Variants in SMYD3 observed in about 807,000 individuals in gnomAD.
SMYD3 encodes the protein SET and MYND domain containing 3.
Under a neutral mutation model 57.7 loss-of-function variants are expected in SMYD3, and 36 were observed. That is an observed-to-expected ratio of 0.62 (90% CI 0.48 to 0.82). The LOEUF (loss-of-function observed/expected upper bound fraction) is 0.82. Ranked by LOEUF, SMYD3 falls within the 40% of genes least tolerant of loss-of-function variation. SMYD3 has a pLI of 0.00. For missense variants in SMYD3, 515 were observed against 538.8 expected, an observed-to-expected ratio of 0.96 and a Z score of 0.44; for synonymous variants, 211 against 195.0, an observed-to-expected ratio of 1.08 and a Z score of -0.68.
At chr1:246,048,699 T>C (rs1041371516) in intron 5 of SMYD3, among the ~76,000 whole-genome samples, 3 of 152,098 alleles carry the variant, frequency 2.0e-5, no homozygotes, top group Non-Finnish European at 4.4e-5. Flanking sequence ...TCTGGACCCG[T>C]TTCCTCATCA....
chr1:246,247,485 AT>A lies in SMYD3; in HGVS notation c.531+79715del, dbSNP rs138494796. ...TCTCTCTATATATATATATATATAT[AT>A]TTTTTAACATGGGACTCATATATAT... On this transcript the variant is annotated intron_variant, in intron 5 of 11. Transcript: ENST00000490107. 5.1e-5 allele frequency among the ~76,000 whole-genome samples: 7 copies of A among 138,066 alleles called. No homozygotes were observed. The East Asian group carries it at 1.3e-3, about 26-fold the overall frequency. 90.6% of individuals were successfully genotyped at this position (138,066 alleles called of 152,430 possible).
chr1:246,030,276 T>C (rs758587285), intron 5 of SMYD3, among the ~76,000 whole-genome samples: 9 of 152,180 alleles, frequency 5.9e-5, no homozygotes, highest in Non-Finnish European at 1.3e-4. Context: ...GCAACAGGAA[T>C]GAGCCCGAAG....
intron 10 of SMYD3, among the ~76,000 whole-genome samples, chr1:245,837,315 G>A (rs911249323): frequency 1.3e-5 from 2 of 152,034 alleles, no homozygotes; most frequent in Admixed American, 1.3e-4. Flanking sequence ...TGGGAGACGG[G>A]TCCTAGAAAT....
At chr1:246,097,280 G>A (rs2060931531) in intron 5 of SMYD3, among the ~76,000 whole-genome samples, 1 of 152,126 alleles carries the variant, frequency 6.6e-6, no homozygotes, top group East Asian at 1.9e-4. Flanking sequence ...AAATAGGGAG[G>A]GGGTTACAAA....
At chr1:246,247,598 T>A (rs12402387) in intron 5 of SMYD3, among the ~76,000 whole-genome samples, 31,141 of 151,352 alleles carry the variant, frequency 0.21, 3,882 homozygotes, top group East Asian at 0.57. Context: ...TTCTCTTTTT[T>A]CCGCACTCTG....
chr1:246,383,864 C>T lies in SMYD3; in HGVS notation c.165-28770G>A, dbSNP rs542808342. 3.3e-5 allele frequency among the ~76,000 whole-genome samples: 5 copies of T among 152,326 alleles called. 1 individual carries two copies. In the South Asian group the frequency reaches 1.0e-3, roughly 32 times the overall value. On this transcript the variant is annotated intron_variant, in intron 1 of 11. Transcript: ENST00000490107. ...TTCTCCTGCCATGTTAAATATATTA[C>T]AAGCTTGCTAGCTTTCACTCTGTTA...
At chr1:246,210,110 A>G (rs1572216842) in intron 5 of SMYD3, among the ~76,000 whole-genome samples, 1 of 152,160 alleles carries the variant, frequency 6.6e-6, no homozygotes, top group Non-Finnish European at 1.5e-5. Context: ...GTAACAGGAC[A>G]TATTCCAGAG....
intron 1 of SMYD3, among the ~76,000 whole-genome samples, chr1:246,362,016 C>T (rs1285466319): frequency 1.3e-5 from 2 of 152,096 alleles, no homozygotes; most frequent in Non-Finnish European, 2.9e-5. Context: ...TCTCCATGTA[C>T]TACAGGAGAA....
intron 10 of SMYD3, among the ~76,000 whole-genome samples, chr1:245,768,062 GA>G (rs2046189237): frequency 6.6e-6 from 1 of 151,654 alleles, no homozygotes; most frequent in Non-Finnish European, 1.5e-5. Context: ...TTGACTCCAT[GA>G]TTCAGAAATA....
chr1:245,767,854 G>T (rs562382237), intron 10 of SMYD3, among the ~76,000 whole-genome samples: 1 of 152,348 alleles, frequency 6.6e-6, no homozygotes, highest in East Asian at 1.9e-4. Context: ...CTTGCCAGCA[G>T]TGAGGCACTA....
intron 5 of SMYD3, among the ~76,000 whole-genome samples, chr1:246,060,582 A>ATTTTTTTT (rs1558191811): frequency 1.3e-5 from 2 of 152,176 alleles, no homozygotes; most frequent in African/African-American, 4.8e-5. Flanking sequence ...CATTTTAATA[A>ATTTTTTTT]ATTTTTATGA....
At chr1:246,384,039 A>G (rs900608250) in intron 1 of SMYD3, among the ~76,000 whole-genome samples, 1 of 152,124 alleles carries the variant, frequency 6.6e-6, no homozygotes, top group Non-Finnish European at 1.5e-5. Context: ...TAGACAAAAC[A>G]ACCATTAAAA....
intron 5 of SMYD3, among the ~76,000 whole-genome samples, chr1:246,111,756 G>A (rs186213076): frequency 6.6e-6 from 1 of 152,190 alleles, no homozygotes; most frequent in East Asian, 1.9e-4. Context: ...ATCTGGAGTG[G>A]AACAGTGACA....
In SMYD3 at chr1:246,251,440, G is replaced by C. The variant is rs1215284353; in HGVS notation, c.531+75761C>G. ...TCAGACACTGTGCCCGGCTTTAGTA[G>C]GTGCCTCGGACACTGTGCCCGGCTT... On this transcript the variant is annotated intron_variant, in intron 5 of 11. Coordinates refer to ENST00000490107, the MANE Select transcript of SMYD3 (RefSeq NM_001167740.2). Among the ~76,000 whole-genome samples the C allele has an allele frequency of 1.4e-3, 210 of 150,808 alleles. 7 individuals carry two copies. Among genetic ancestry groups the C allele is most frequent in the African/African-American group, 4.9e-3 (200 of 40,540 alleles).
chr1:246,089,621 A>G (rs534432104), intron 5 of SMYD3, among the ~76,000 whole-genome samples: 1 of 152,254 alleles, frequency 6.6e-6, no homozygotes, highest in African/African-American at 2.4e-5. Flanking sequence ...AAATATTTCT[A>G]TTTCACTTGA....
At chr1:245,965,912 A>C (rs1024995255) in intron 5 of SMYD3, among the ~76,000 whole-genome samples, 2 of 152,140 alleles carry the variant, frequency 1.3e-5, no homozygotes, top group African/African-American at 4.8e-5. Context: ...ATGTAGGTTC[A>C]TCGACTTTAG....
chr1:246,188,418 A>T (rs10924535), intron 5 of SMYD3, among the ~76,000 whole-genome samples: 33,362 of 151,916 alleles, frequency 0.22, 4,159 homozygotes, highest in African/African-American at 0.32. Context: ...TGACTTTTTT[A>T]AAAATATTTT....
At chr1:246,105,061 C>T (rs2061093005) in intron 5 of SMYD3, among the ~76,000 whole-genome samples, 1 of 152,122 alleles carries the variant, frequency 6.6e-6, no homozygotes, top group Admixed American at 6.5e-5. Context: ...GGCAAAATCA[C>T]AGGTAAGAGG....
At chr1:245,839,421 G>A (rs12085569) in intron 10 of SMYD3, among the ~76,000 whole-genome samples, 104,656 of 151,518 alleles carry the variant, frequency 0.69, 39,018 homozygotes, top group Non-Finnish European at 0.85. Context: ...CGCCCACCTC[G>A]GCCTCCCAAA....
Sources: gnomAD v4.1 joint callset for allele counts (sites outside exome capture counted in the v4.1 genomes callset) on GRCh38, gnomAD v4.1.1 for gene constraint, MANE v1.5 for transcripts, NCBI Gene and HGNC (gene_info 2026-07-23, HGNC 2026-07-21) for gene names.